HIPK1: variants seen among roughly 807,000 people sequenced by gnomAD.
HIPK1 encodes the protein homeodomain-interacting protein kinase 1.
HIPK1 carries 28 observed loss-of-function variants against 117.1 expected under a neutral mutation model. That is an observed-to-expected ratio of 0.24 (90% CI 0.18 to 0.33). HIPK1 has a LOEUF of 0.33. HIPK1 is among the 10% of genes least tolerant of loss of function. HIPK1 has a pLI of 1.00. For synonymous variants in HIPK1, 605 were observed against 562.5 expected, an observed-to-expected ratio of 1.08 and a Z score of -1.07; for missense variants, 1,122 against 1,475.1, an observed-to-expected ratio of 0.76 and a Z score of 3.92.
chr1:113,938,248 G>C (rs1022237283), intron 1 of HIPK1, among the ~76,000 whole-genome samples: 1 of 151,700 alleles, frequency 6.6e-6, no homozygotes, highest in African/African-American at 2.4e-5. Flanking sequence ...AGGATTACAG[G>C]CGTGAGCCAC....
chr1:113,948,470 GT>G (rs1301214515), intron 2 of HIPK1, among the ~76,000 whole-genome samples: 1 of 151,706 alleles, frequency 6.6e-6, no homozygotes, highest in Non-Finnish European at 1.5e-5. Flanking sequence ...GCCTAGGCTG[GT>G]CTCAAACTCC....
At chr1:113,943,246 A>G (rs953589060) in intron 2 of HIPK1, among the ~76,000 whole-genome samples, 1 of 152,164 alleles carries the variant, frequency 6.6e-6, no homozygotes, top group Admixed American at 6.5e-5. Flanking sequence ...TGTTTTCATC[A>G]CCCAAAACAG....
chr1:113,963,566 T>C (rs1437232874), intron 10 of HIPK1, 45 bp downstream of exon 10: 2 of 1,555,372 alleles, frequency 1.3e-6, no homozygotes, highest in East Asian at 2.3e-5. Context: ...GTTTCTTTGG[T>C]TTCTTTCTTT....
At chr1:113,956,891 G>A in intron 6 of HIPK1, 80 bp downstream of exon 6, 2 of 1,263,434 alleles carry the variant, frequency 1.6e-6, no homozygotes, top group South Asian at 2.6e-5. Context: ...TATCAAATGA[G>A]CCCGCCACTT....
chr1:113,938,953 CACACACACACTT>C (rs1226627276), intron 1 of HIPK1, among the ~76,000 whole-genome samples: 3 of 134,816 alleles, frequency 2.2e-5, no homozygotes, highest in East Asian at 4.5e-4. Flanking sequence ...CACACACACA[CACACACACACTT>C]AGGAGATGGA....
rs780727751 is a variant in HIPK1, at chr1:113,940,672, A to T, written c.289A>T (p.Thr97Ser). The T allele has an allele frequency of 6.2e-7, 1 of 1,614,214 alleles. No individual in the cohort carries two copies. Among genetic ancestry groups the T allele is most frequent in the Admixed American group, 1.7e-5 (1 of 60,022 alleles). ...TAADSSGSAA[T>S]STFQSSQTLT... ...CGCTGATAGCTCGGGCAGTGCTGCT[A>T]CATCAACCTTCCAAAGCAGCCAGAC... is the stretch of plus-strand genomic sequence containing the variant. Residue 97 changes from threonine (T) to serine (S), a missense_variant, in exon 2 of 16, where the codon ACA becomes TCA. Physicochemically the swap from Thr to Ser is moderately conservative, Grantham distance 58. This residue lies in a region of HIPK1 where 192 missense variants were observed against 234.0 expected (regional missense o/e 0.82). Transcript: ENST00000426820.
chr1:113,954,480 C>A (rs1016345091), intron 3 of HIPK1, 171 bp from the exon 4 acceptor site: 14 of 593,244 alleles, frequency 2.4e-5, no homozygotes, highest in Non-Finnish European at 3.9e-5. Flanking sequence ...ATAATAGATA[C>A]AGTAGCTGTG....
At chr1:113,951,022 G>A (rs1208459546) in intron 2 of HIPK1, 2 of 161,392 alleles carry the variant, frequency 1.2e-5, no homozygotes, top group Non-Finnish European at 2.6e-5. Context: ...TAATTTCAGA[G>A]GTGCTAACAT....
At chr1:113,930,312 A>G (rs1036773433) in intron 1 of HIPK1, among the ~76,000 whole-genome samples, 2 of 152,098 alleles carry the variant, frequency 1.3e-5, no homozygotes, top group Admixed American at 1.3e-4. Context: ...GTGCGTGTGT[A>G]CTTCACAGCT....
At chr1:113,937,548 A>T (rs1012089939) in intron 1 of HIPK1, among the ~76,000 whole-genome samples, 1 of 151,992 alleles carries the variant, frequency 6.6e-6, no homozygotes, top group African/African-American at 2.4e-5. Flanking sequence ...TAGATATGAG[A>T]TTGGTAGGCA....
intron 8 of HIPK1, among the ~76,000 whole-genome samples, chr1:113,959,818 G>A (rs1488072418): frequency 6.6e-6 from 1 of 152,136 alleles, no homozygotes; most frequent in African/African-American, 2.4e-5. Flanking sequence ...TGATGATGAT[G>A]CCTGATATGT....
At chr1:113,965,252 C>T (rs914587375) in intron 10 of HIPK1, among the ~76,000 whole-genome samples, 6 of 151,806 alleles carry the variant, frequency 4.0e-5, no homozygotes, top group Non-Finnish European at 8.8e-5. Flanking sequence ...CTGCAGAATT[C>T]AAGTTTAAAA....
chr1:113,971,800 C>A, intron 14 of HIPK1, 24 bp from the exon 15 acceptor site: 1 of 1,588,232 alleles, frequency 6.3e-7, no homozygotes, highest in Middle Eastern at 1.7e-4. Context: ...CTACTCATAA[C>A]TATTAAGCCT....
chr1:113,956,483 A>G, intron 5 of HIPK1, 144 bp from the exon 6 acceptor site: 1 of 511,042 alleles, frequency 2.0e-6, no homozygotes, highest in Non-Finnish European at 3.3e-6. Flanking sequence ...TCTGAAAATG[A>G]TTAGATTTTC....
chr1:113,954,525 T>G (rs1348808305), intron 3 of HIPK1, 126 bp from the exon 4 acceptor site: 3 of 914,326 alleles, frequency 3.3e-6, no homozygotes, highest in Non-Finnish European at 5.0e-6. Context: ...TACAGATAAA[T>G]TTCAGTTGTA....
intron 8 of HIPK1, among the ~76,000 whole-genome samples, chr1:113,960,559 C>T (rs1449981262): frequency 1.3e-5 from 2 of 152,186 alleles, no homozygotes; most frequent in Non-Finnish European, 2.9e-5. Context: ...AACATTTCCT[C>T]CTAAATTTTA....
In HIPK1 at chr1:113,957,200, A is replaced by G. The variant is rs1459517910; in HGVS notation, c.1669A>G (p.Ser557Gly). Residue 557 changes from serine (S) to glycine (G), a missense_variant, in exon 7 of 16, where the codon AGT becomes GGT. Coordinates refer to ENST00000426820, the MANE Select transcript of HIPK1 (RefSeq NM_198268.3). ...HMYDTVSQIK[S>G]PFTTHVAPNT... The stretch of plus-strand genomic sequence containing the variant: ...GTATGATACAGTGAGTCAGATCAAG[A>G]GTCCCTTCACTACACATGTTGCCCC... The G allele has an allele frequency of 6.2e-7, 1 of 1,613,636 alleles. No individual in the cohort carries two copies. Among genetic ancestry groups the G allele is most frequent in the East Asian group, 2.2e-5 (1 of 44,866 alleles).
In HIPK1 at chr1:113,962,580, T is replaced by C. The variant is rs533531380; in HGVS notation, c.2103+142T>C. ...GTGGACTTAAAATGAAACATCTCTA[T>C]GGAACAATATACTAATTCCTAACAC... On this transcript the variant is annotated intron_variant, in intron 9 of 15. Coordinates refer to ENST00000426820, the MANE Select transcript of HIPK1 (RefSeq NM_198268.3). The C allele has an allele frequency of 9.0e-5, 66 of 729,596 alleles. 1 individual carries two copies. The South Asian group carries it at 1.4e-3, about 15-fold the overall frequency. The allele number at this position is 729,596 out of a possible 1,614,324, so 45.2% of individuals were successfully genotyped here. A position where few individuals can be genotyped will look rare whatever the true frequency, so the allele number is the denominator to read the frequency against.
At chr1:113,964,890 C>T (rs934671277) in intron 10 of HIPK1, among the ~76,000 whole-genome samples, 1 of 152,226 alleles carries the variant, frequency 6.6e-6, no homozygotes, top group African/African-American at 2.4e-5. Context: ...TCTGTCAAAA[C>T]AGTTCGTCGC....
Sources: gnomAD v4.1 joint callset for allele counts (sites outside exome capture counted in the v4.1 genomes callset) on GRCh38, gnomAD v4.1.1 for gene constraint, gnomAD v4.1.1 regional missense constraint, MANE v1.5 for transcripts, NCBI Gene and HGNC (gene_info 2026-07-23, HGNC 2026-07-21) for gene names.